The following APC variants were observed in gnomAD, a reference collection of about 807,000 sequenced individuals.
APC encodes the protein adenomatous polyposis coli protein.
In APC, 72 loss-of-function variants were observed where a neutral mutation model predicts 247.0. That is an observed-to-expected ratio of 0.29 (90% CI 0.24 to 0.35). The LOEUF (loss-of-function observed/expected upper bound fraction) is 0.35, where lower values mean the gene tolerates loss of function less well. Ranked by LOEUF, APC falls within the 10% of genes least tolerant of loss-of-function variation. The probability of loss-of-function intolerance (pLI) is 1.00; values close to 1 mark genes in which losing one functional copy is unlikely to be tolerated. For synonymous variants in APC, 1,254 were observed against 1,162.5 expected (o/e 1.08, Z -1.60); for missense variants, 3,400 against 3,360.7 (o/e 1.01, Z -0.29).
At chr5:112,806,823 C>T (rs546664235) in intron 8 of APC, among the ~76,000 whole-genome samples, 11 of 152,192 alleles carry the variant, frequency 7.2e-5, no homozygotes, top group Non-Finnish European at 1.5e-4. Flanking sequence ...AGCAATCCTC[C>T]AGCATTGGCC....
chr5:112,782,994 A>G (rs1758517141), intron 6 of APC, among the ~76,000 whole-genome samples: 1 of 152,228 alleles, frequency 6.6e-6, no homozygotes, highest in South Asian at 2.1e-4. Context: ...TGTTTCAAAA[A>G]AACAAGTATT....
At position 112,842,020 on chromosome 5, in the gene APC, C is replaced by G. The variant is rs1554087419; in HGVS notation, c.6426C>G (p.Ile2142Met). 1.2e-6 allele frequency: 2 copies of G among 1,613,364 alleles called. No homozygotes were observed. The highest frequency in any genetic ancestry group is 1.3e-5 in the African/African-American group (1 of 75,000). ...CCATCCTTTCCCTGAAATCAGGAAT[C>G]TCTCTGGGATCACCATTTCATCTTA... ...SDSILSLKSG[I>M]SLGSPFHLTP... The change falls in exon 16 of 16, where the codon ATC (isoleucine) becomes ATG (methionine). Residue 2142 changes from isoleucine to methionine, a missense_variant. By Grantham distance (10) the Ile-to-Met change is conservative. Coordinates refer to ENST00000257430, the MANE Select transcript of APC (RefSeq NM_000038.6).
intron 1 of APC, among the ~76,000 whole-genome samples, chr5:112,748,656 G>A (rs1307683068): frequency 6.6e-6 from 1 of 152,004 alleles, no homozygotes; most frequent in Non-Finnish European, 1.5e-5. Flanking sequence ...GAGGTCAGGA[G>A]TTTGAGACCA....
At chr5:112,751,700 T>C (rs1754389887) in intron 1 of APC, among the ~76,000 whole-genome samples, 2 of 152,116 alleles carry the variant, frequency 1.3e-5, no homozygotes, top group African/African-American at 4.8e-5. Context: ...ATTTCATCGA[T>C]GCTTTTGTAT....
intron 1 of APC, among the ~76,000 whole-genome samples, chr5:112,741,265 T>C (rs900510385): frequency 2.0e-5 from 3 of 152,218 alleles, no homozygotes; most frequent in African/African-American, 7.2e-5. Context: ...TTATATAATC[T>C]AAGATATCCT....
chr5:112,816,114 C>G (rs1188328692), intron 9 of APC, among the ~76,000 whole-genome samples: 2 of 152,202 alleles, frequency 1.3e-5, no homozygotes, highest in Non-Finnish European at 2.9e-5. Context: ...TGACTTTCCC[C>G]CTCCCTTCCT....
intron 1 of APC, among the ~76,000 whole-genome samples, chr5:112,749,966 T>A (rs1754136581): frequency 6.7e-6 from 1 of 148,274 alleles, no homozygotes; most frequent in Non-Finnish European, 1.5e-5. Context: ...CTTTTTTTTT[T>A]TGTTTTTTTT....
chr5:112,792,119 G>A (rs527535953), intron 6 of APC, among the ~76,000 whole-genome samples: 5 of 152,176 alleles, frequency 3.3e-5, no homozygotes, highest in East Asian at 1.9e-4. Context: ...GGTGGTGCGC[G>A]CCTGTAGTCC....
rs773815595 is a variant in APC at position 112,838,428 on chromosome 5, G to T, written c.2834G>T (p.Arg945Met). 1.4e-5 allele frequency: 22 copies of T among 1,614,010 alleles called. No homozygotes were observed. Among genetic ancestry groups the T allele is most frequent in the Non-Finnish European group, 1.4e-5 (16 of 1,180,032 alleles). Reference protein sequence around the residue: ...YNFTKSENSNRTCSMPYAKLE... With the variant: ...YNFTKSENSNMTCSMPYAKLE... ...TTCACTAAGTCGGAAAATTCAAATA[G>T]GACATGTTCTATGCCTTATGCCAAA... Residue 945 changes from arginine (R) to methionine (M), a missense_variant, in exon 16 of 16, where the codon AGG becomes ATG. By Grantham distance (91) the Arg-to-Met change is moderately conservative (BLOSUM62 -1). Transcript: ENST00000257430.
At chr5:112,778,924 C>T (rs1758022883) in intron 5 of APC, among the ~76,000 whole-genome samples, 1 of 152,144 alleles carries the variant, frequency 6.6e-6, no homozygotes, top group Admixed American at 6.5e-5. Flanking sequence ...TCTACTACTA[C>T]TTTGAGAGAC....
intron 6 of APC, among the ~76,000 whole-genome samples, chr5:112,791,756 G>A (rs75614690): frequency 0.023 from 3,502 of 152,100 alleles, 137 homozygotes; most frequent in African/African-American, 0.08. Context: ...TTAATGTCTC[G>A]ATTAATATAA....
In APC at chr5:112,844,933, A is replaced by T. The variant is rs1335042407; in HGVS notation, c.*807A>T. ...TTAATGAGACATGAATTGTGTCTCA[A>T]CAGAAACTAAATGAACATTTCAGAA... is the stretch of plus-strand genomic sequence containing the variant. On this transcript the variant is annotated 3_prime_UTR_variant, in exon 16 of 16. Transcript: ENST00000257430. 4.3e-6 allele frequency: 1 copy of T among 232,592 alleles called. No homozygotes were observed. The highest frequency in any genetic ancestry group is 6.1e-5 in the East Asian group (1 of 16,402). 14.4% of individuals were successfully genotyped at this position (232,592 alleles called of 1,614,324 possible). A position where few individuals can be genotyped will look rare whatever the true frequency, so the allele number is the denominator to read the frequency against.
At chr5:112,739,199 A>T (rs992464178) in intron 1 of APC, among the ~76,000 whole-genome samples, 1 of 152,218 alleles carries the variant, frequency 6.6e-6, no homozygotes, top group Non-Finnish European at 1.5e-5. Flanking sequence ...GTGAGTACTC[A>T]TGAGATATAC....
Position 112,839,456 on chromosome 5 carries a change from G to C in APC, c.3862G>C (p.Gly1288Arg), listed in dbSNP as rs765608881. The C allele has an allele frequency of 6.2e-7, 1 of 1,614,138 alleles. No individual in the cohort carries two copies. ...SSLSSAEDEI[G>R]CNQTTQEADS... Reference sequence around the variant, plus strand: ...TTTGTCATCAGCTGAAGATGAAATAGGATGTAATCAGACGACACAGGAAGC... The same window carrying C: ...TTTGTCATCAGCTGAAGATGAAATACGATGTAATCAGACGACACAGGAAGC... The change falls in exon 16 of 16, where the codon GGA becomes CGA. Residue 1288 changes from glycine to arginine, a missense_variant. Physicochemically the swap from Gly to Arg is moderately radical, Grantham distance 125. Around this residue, in one of 9 missense-constraint regions of APC, gnomAD observed 715 missense variants for 656.6 expected, o/e 1.09. Transcript: ENST00000257430. The surrounding 1 kb of genome is among the most constrained non-coding windows in gnomAD (Gnocchi z 5.0).
intron 1 of APC, among the ~76,000 whole-genome samples, chr5:112,732,435 A>T (rs988202084): frequency 6.6e-6 from 1 of 152,210 alleles, no homozygotes; most frequent in East Asian, 1.9e-4. Context: ...CTGCATCACA[A>T]CATTTGTTTT....
At position 112,844,609 on chromosome 5, in the gene APC, G is replaced by C. The variant is rs1766827869; in HGVS notation, c.*483G>C. 4.3e-6 allele frequency: 1 copy of C among 234,546 alleles called. No homozygotes were observed. The highest frequency in any genetic ancestry group is 2.2e-5 in the African/African-American group (1 of 45,214). 14.5% of individuals were successfully genotyped at this position (234,546 alleles called of 1,614,324 possible). On this transcript the variant is annotated 3_prime_UTR_variant, in exon 16 of 16. Transcript: ENST00000257430. ...GTGGCTGTGAAATTCACAGTAATAT[G>C]GTTCCCGATGAACAAGTTTACCCAG...
chr5:112,816,567 G>A (rs1762532160), intron 9 of APC, among the ~76,000 whole-genome samples: 1 of 152,120 alleles, frequency 6.6e-6, no homozygotes, highest in Non-Finnish European at 1.5e-5. Flanking sequence ...GCTGAGGTGG[G>A]TGGATCACTT....
At position 112,803,324 on chromosome 5, in the gene APC, G is replaced by A. The variant is rs377373682; in HGVS notation, c.834+1941G>A. Among the ~76,000 whole-genome samples, 12 of 152,230 alleles carry A rather than the reference G, an allele frequency of 7.9e-5. No individual in the cohort carries two copies. The South Asian group carries it at 8.3e-4, about 11-fold the overall frequency. ...TCAAGAGTGATCAGACATGTTTGAA[G>A]AGATTCATCATAATACTAACAATAG... On this transcript the variant is annotated intron_variant, in intron 8 of 15. Coordinates refer to ENST00000257430, the MANE Select transcript of APC (RefSeq NM_000038.6).
At chr5:112,778,965 A>C (rs948884113) in intron 5 of APC, among the ~76,000 whole-genome samples, 1 of 152,080 alleles carries the variant, frequency 6.6e-6, no homozygotes, top group Non-Finnish European at 1.5e-5. Context: ...AAACTGAAAG[A>C]GAGAAAACCG....
Sources: allele counts gnomAD v4.1 joint callset (sites outside exome capture counted in the v4.1 genomes callset), GRCh38; gene constraint gnomAD v4.1.1; regional missense constraint gnomAD v4.1.1; non-coding constraint Gnocchi (gnomAD v3.1); transcripts MANE v1.5; gene names NCBI Gene and HGNC (gene_info 2026-07-23, HGNC 2026-07-21).